Variants in PID1 observed in about 807,000 individuals in gnomAD.
PID1 encodes phosphotyrosine interaction domain containing 1.
PID1 carries 10 observed loss-of-function variants against 19.1 expected under a neutral mutation model. The ratio of observed to expected loss-of-function variants is 0.52; its 90% CI spans 0.32 to 0.89. The LOEUF (loss-of-function observed/expected upper bound fraction) is 0.89. Ranked by LOEUF, PID1 falls within the 40% of genes least tolerant of loss-of-function variation. The pLI is 0.03. For synonymous variants in PID1, 130 were observed against 116.0 expected, an observed-to-expected ratio of 1.12 and a Z score of -0.78; for missense variants, 248 against 285.3, an observed-to-expected ratio of 0.87 and a Z score of 0.94.
At chr2:229,168,912 T>C (rs1690656350) in intron 1 of PID1, among the ~76,000 whole-genome samples, 1 of 152,208 alleles carries the variant, frequency 6.6e-6, no homozygotes, top group African/African-American at 2.4e-5. Flanking sequence ...CTTCCATTTC[T>C]CTAGCATTAG....
At chr2:229,197,107 T>A (rs1488823954) in intron 1 of PID1, among the ~76,000 whole-genome samples, 1 of 151,848 alleles carries the variant, frequency 6.6e-6, no homozygotes, top group Non-Finnish European at 1.5e-5. Context: ...ATCAAAATAG[T>A]CAACAAAAAA....
intron 2 of PID1, among the ~76,000 whole-genome samples, chr2:229,109,300 C>T (rs1695245986): frequency 6.6e-6 from 1 of 152,066 alleles, no homozygotes; most frequent in East Asian, 1.9e-4. Context: ...GCTGCAGAAA[C>T]CCCCGAGTTC....
chr2:229,229,355 G>A (rs575306385), intron 1 of PID1, among the ~76,000 whole-genome samples: 6 of 152,126 alleles, frequency 3.9e-5, no homozygotes, highest in Non-Finnish European at 8.8e-5. Flanking sequence ...ACTCCAACTT[G>A]TAACTGGATT....
At chr2:229,181,745 CATT>C (rs1690951237) in intron 1 of PID1, among the ~76,000 whole-genome samples, 2 of 149,884 alleles carry the variant, frequency 1.3e-5, no homozygotes, top group Admixed American at 6.6e-5. Context: ...TCTTTGTAGA[CATT>C]ATCATTATCA....
intron 2 of PID1, among the ~76,000 whole-genome samples, chr2:229,095,375 A>T (rs1187708249): frequency 1.3e-5 from 2 of 152,158 alleles, no homozygotes; most frequent in African/African-American, 4.8e-5. Context: ...CTCTCAAATT[A>T]TAATATTTAG....
chr2:229,230,963 C>A (rs1692192491), intron 1 of PID1, among the ~76,000 whole-genome samples: 1 of 151,886 alleles, frequency 6.6e-6, no homozygotes. Flanking sequence ...TCCACAATAC[C>A]TCCTAAGAAG....
At chr2:229,168,713 T>A (rs1230203437) in intron 1 of PID1, among the ~76,000 whole-genome samples, 2 of 142,536 alleles carry the variant, frequency 1.4e-5, no homozygotes, top group Non-Finnish European at 3.1e-5. Flanking sequence ...TCACAATAAT[T>A]TTTTTTCCTT....
chr2:229,199,767 C>CAT (rs371811066), intron 1 of PID1, among the ~76,000 whole-genome samples: 12 of 145,648 alleles, frequency 8.2e-5, no homozygotes, highest in South Asian at 6.5e-4. Context: ...CACACACACA[C>CAT]ATATATATAT....
chr2:229,258,861 CAAAA>C (rs60923610), intron 1 of PID1, among the ~76,000 whole-genome samples: 3 of 66,994 alleles, frequency 4.5e-5, no homozygotes, highest in Admixed American at 1.6e-4. Context: ...GACTCCGTCT[CAAAA>C]AAAAAAAAAA....
rs1690728857 is a variant in PID1, at chr2:229,271,164, G to T, written c.-121C>A. On this transcript the variant is annotated 5_prime_UTR_variant, in exon 1 of 3. Coordinates refer to ENST00000392055, the MANE Select transcript of PID1 (RefSeq NM_001100818.2). ...GTGTCCGCGGGATGTGCGTCCTGGC[G>T]CTGGCCACCGCCGCCGGGTGGGCGT... 4.5e-6 allele frequency: 5 copies of T among 1,118,546 alleles called. No individual in the cohort carries two copies. Among genetic ancestry groups the T allele is most frequent in the Non-Finnish European group, 6.3e-6 (5 of 789,068 alleles). The allele number at this position is 1,118,546 out of a possible 1,614,324, so 69.3% of individuals were successfully genotyped here. A position where few individuals can be genotyped will look rare whatever the true frequency, so the allele number is the denominator to read the frequency against.
chr2:229,059,950 T>C (rs1410632439), intron 2 of PID1, among the ~76,000 whole-genome samples: 1 of 152,068 alleles, frequency 6.6e-6, no homozygotes, highest in Non-Finnish European at 1.5e-5. Context: ...GTTTCTCAGG[T>C]CCTATTTTTT....
At chr2:229,056,656 G>A (rs766764631) in intron 2 of PID1, among the ~76,000 whole-genome samples, 15 of 131,506 alleles carry the variant, frequency 1.1e-4, no homozygotes, top group South Asian at 2.7e-4. Flanking sequence ...CCTTTCACCC[G>A]ATTTGGCTTT....
At chr2:229,220,637 C>G (rs1338606678) in intron 1 of PID1, among the ~76,000 whole-genome samples, 6 of 152,110 alleles carry the variant, frequency 3.9e-5, no homozygotes, top group Admixed American at 3.9e-4. Flanking sequence ...CCTGCACAAC[C>G]TGGGTCTTTT....
chr2:229,180,725 TG>T (rs1038155244), intron 1 of PID1, among the ~76,000 whole-genome samples: 2 of 152,242 alleles, frequency 1.3e-5, no homozygotes, highest in African/African-American at 4.8e-5. Context: ...ACTTAACGGC[TG>T]ATTGACACTC....
At chr2:229,232,484 C>CATTAAGTT (rs1334500793) in intron 1 of PID1, among the ~76,000 whole-genome samples, 1 of 143,036 alleles carries the variant, frequency 7.0e-6, no homozygotes, top group African/African-American at 2.6e-5. Context: ...TCACTTTGGC[C>CATTAAGTT]ATTAAGTTTC....
At chr2:229,246,992 G>C (rs749451949) in intron 1 of PID1, among the ~76,000 whole-genome samples, 6 of 152,080 alleles carry the variant, frequency 3.9e-5, no homozygotes, top group Admixed American at 3.9e-4. Context: ...TACAGAAACA[G>C]AATCCACATC....
At chr2:229,254,540 T>A (rs1690242434) in intron 1 of PID1, among the ~76,000 whole-genome samples, 1 of 152,172 alleles carries the variant, frequency 6.6e-6, no homozygotes. Flanking sequence ...GTTAAGTAAC[T>A]AATCATGTTT....
intron 1 of PID1, among the ~76,000 whole-genome samples, chr2:229,163,680 T>TGTGTGTGTGCGCGCGC (rs1365270238): frequency 8.7e-5 from 9 of 103,810 alleles, no homozygotes; most frequent in East Asian, 7.1e-4. Flanking sequence ...TGTGTGCGTG[T>TGTGTGTGTGCGCGCGC]GCGTGTGTGT....
intron 2 of PID1, among the ~76,000 whole-genome samples, chr2:229,066,801 A>G (rs539977548): frequency 6.6e-6 from 1 of 152,224 alleles, no homozygotes; most frequent in African/African-American, 2.4e-5. Flanking sequence ...ACAGCAAACC[A>G]GCAGGTAAAT....
Sources: gnomAD v4.1 joint callset for allele counts (sites outside exome capture counted in the v4.1 genomes callset) on GRCh38, gnomAD v4.1.1 for gene constraint, MANE v1.5 for transcripts, NCBI Gene and HGNC (gene_info 2026-07-23, HGNC 2026-07-21) for gene names.